Variants in RAD51B observed in about 807,000 individuals in gnomAD.
The protein encoded by RAD51B is DNA repair protein RAD51 homolog 2.
Under a neutral mutation model 42.2 loss-of-function variants are expected in RAD51B, and 38 were observed. The ratio of observed to expected loss-of-function variants is 0.90; its 90% CI spans 0.70 to 1.18. The LOEUF (loss-of-function observed/expected upper bound fraction) is 1.18, where lower values mean the gene tolerates loss of function less well. Ranked by LOEUF, RAD51B falls within the 50% of genes most tolerant of loss-of-function variation. The probability of loss-of-function intolerance (pLI) is 0.00; values close to 1 mark genes in which losing one functional copy is unlikely to be tolerated. For missense variants in RAD51B, 373 were observed against 400.7 expected, an observed-to-expected ratio of 0.93 and a Z score of 0.59; for synonymous variants, 154 against 145.2, an observed-to-expected ratio of 1.06 and a Z score of -0.43.
chr14:68,328,051 CCTT>C (rs1319803454), intron 8 of RAD51B, among the ~76,000 whole-genome samples: 3 of 152,064 alleles, frequency 2.0e-5, no homozygotes, highest in Non-Finnish European at 1.5e-5. Flanking sequence ...ACCCTCTGTC[CCTT>C]CTTCCCTTCC....
At chr14:68,249,145 G>A (rs2080565231) in intron 7 of RAD51B, among the ~76,000 whole-genome samples, 1 of 152,188 alleles carries the variant, frequency 6.6e-6, no homozygotes, top group African/African-American at 2.4e-5. Flanking sequence ...GCAGTCGGTG[G>A]GTCATTGCCT....
At chr14:67,917,851 T>C (rs1483658485) in intron 7 of RAD51B, among the ~76,000 whole-genome samples, 1 of 152,142 alleles carries the variant, frequency 6.6e-6, no homozygotes, top group African/African-American at 2.4e-5. Flanking sequence ...GAGATGTCTG[T>C]TTGGCATTCT....
At chr14:68,445,165 G>A (rs1343183071) in intron 9 of RAD51B, among the ~76,000 whole-genome samples, 1 of 152,144 alleles carries the variant, frequency 6.6e-6, no homozygotes, top group Non-Finnish European at 1.5e-5. Flanking sequence ...CTTGCAGGCT[G>A]AAGAGTTAGC....
chr14:68,571,978 A>G (rs2140041418), intron 10 of RAD51B, among the ~76,000 whole-genome samples: 1 of 152,322 alleles, frequency 6.6e-6, no homozygotes, highest in African/African-American at 2.4e-5. Flanking sequence ...TTCGTTGTCC[A>G]TCATTATCAA....
intron 9 of RAD51B, among the ~76,000 whole-genome samples, chr14:68,456,595 A>G (rs112233106): frequency 0.015 from 2,272 of 152,324 alleles, 60 homozygotes; most frequent in African/African-American, 0.052. Flanking sequence ...GCAAAAACTA[A>G]TAGAATTGAA....
chr14:68,494,566 G>A (rs1377839346), intron 10 of RAD51B, among the ~76,000 whole-genome samples: 2 of 152,164 alleles, frequency 1.3e-5, no homozygotes, highest in Admixed American at 6.5e-5. Context: ...CGTCAGTCTA[G>A]ATGGGCACTT....
At chr14:68,162,197 T>G (rs2078653822) in intron 7 of RAD51B, among the ~76,000 whole-genome samples, 1 of 152,230 alleles carries the variant, frequency 6.6e-6, no homozygotes. Flanking sequence ...CAGGGAAACT[T>G]CCTTTAATTT....
In RAD51B at chr14:68,191,521, C is replaced by T. The variant is rs917454678; in HGVS notation, c.757-100363C>T. 5.3e-5 allele frequency among the ~76,000 whole-genome samples: 8 copies of T among 152,290 alleles called. No individual in the cohort carries two copies. The South Asian group carries it at 1.0e-3, about 20-fold the overall frequency. ...CATGGGGAAAATATTTCTTTGAATT[C>T]GGTCCTGAACCCATCTGAGACTTGG... On this transcript the variant is annotated intron_variant, in intron 7 of 10. Transcript: ENST00000471583.
intron 7 of RAD51B, among the ~76,000 whole-genome samples, chr14:67,926,090 G>A (rs2044496961): frequency 1.3e-5 from 2 of 152,158 alleles, no homozygotes; most frequent in Non-Finnish European, 1.5e-5. Context: ...CCATTGTCTT[G>A]GGGATTAACA....
chr14:68,045,411 A>C (rs1191282422), intron 7 of RAD51B, among the ~76,000 whole-genome samples: 1 of 152,138 alleles, frequency 6.6e-6, no homozygotes, highest in East Asian at 1.9e-4. Flanking sequence ...AGGGCTGAAT[A>C]AAATTGTTAC....
intron 8 of RAD51B, among the ~76,000 whole-genome samples, chr14:68,389,132 T>C (rs1310474730): frequency 6.6e-6 from 1 of 152,134 alleles, no homozygotes; most frequent in Non-Finnish European, 1.5e-5. Flanking sequence ...TTAAATGAAG[T>C]ATAATATGTA....
chr14:67,961,079 T>G (rs2074655724), intron 7 of RAD51B, among the ~76,000 whole-genome samples: 1 of 152,186 alleles, frequency 6.6e-6, no homozygotes, highest in African/African-American at 2.4e-5. Flanking sequence ...TGATCATGGC[T>G]TACTGCAGCC....
chr14:67,910,536 T>C (rs2140112738), intron 7 of RAD51B, among the ~76,000 whole-genome samples: 1 of 151,874 alleles, frequency 6.6e-6, no homozygotes, highest in African/African-American at 2.4e-5. Flanking sequence ...CTATTCCACT[T>C]TGCAGTTTGA....
At chr14:68,430,499 T>C (rs2084973939) in intron 9 of RAD51B, among the ~76,000 whole-genome samples, 1 of 152,228 alleles carries the variant, frequency 6.6e-6, no homozygotes, top group Admixed American at 6.5e-5. Context: ...TATTTTATTC[T>C]CTTTGAAGCA....
At chr14:68,528,417 C>G (rs531910645) in intron 10 of RAD51B, among the ~76,000 whole-genome samples, 1 of 152,238 alleles carries the variant, frequency 6.6e-6, no homozygotes, top group East Asian at 1.9e-4. Context: ...GCATATGTGA[C>G]TTTCATTGTA....
intron 9 of RAD51B, among the ~76,000 whole-genome samples, chr14:68,416,495 G>A (rs969023912): frequency 2.6e-5 from 4 of 152,184 alleles, no homozygotes; most frequent in African/African-American, 9.7e-5. Flanking sequence ...GAGAGAGAAA[G>A]CAAGAAAAAG....
chr14:68,607,187 G>A (rs74059647), intron 10 of RAD51B, among the ~76,000 whole-genome samples: 2,103 of 152,240 alleles, frequency 0.014, 38 homozygotes, highest in African/African-American at 0.047. Context: ...CTCTGAGCCC[G>A]TGCAGAGGCT....
chr14:67,983,875 C>T (rs926430790), intron 7 of RAD51B, among the ~76,000 whole-genome samples: 5 of 151,454 alleles, frequency 3.3e-5, no homozygotes, highest in Admixed American at 1.3e-4. Context: ...TATAAAACCA[C>T]CGAGGTCTAT....
intron 2 of RAD51B, among the ~76,000 whole-genome samples, chr14:67,824,882 G>A (rs1032354467): frequency 6.6e-6 from 1 of 151,426 alleles, no homozygotes; most frequent in African/African-American, 2.4e-5. Flanking sequence ...TTCGAGACTA[G>A]CCTGGCCAAT....
Sources: gnomAD v4.1 joint callset for allele counts (sites outside exome capture counted in the v4.1 genomes callset) on GRCh38, gnomAD v4.1.1 for gene constraint, MANE v1.5 for transcripts, NCBI Gene and HGNC (gene_info 2026-07-23, HGNC 2026-07-21) for gene names.